The following VIPR2 variants were observed in gnomAD, a reference collection of about 807,000 sequenced individuals.
The protein encoded by VIPR2 is vasoactive intestinal peptide receptor 2, also known as vasoactive intestinal polypeptide receptor 2.
Under a neutral mutation model 58.0 loss-of-function variants are expected in VIPR2, and 48 were observed. The observed-to-expected ratio is 0.83, with a 90% CI of 0.66 to 1.05. VIPR2 has a LOEUF of 1.05. VIPR2 is among the 50% of genes least tolerant of loss of function. The pLI, the probability that VIPR2 is intolerant of heterozygous loss-of-function variation, is 0.00. For missense variants in VIPR2, 534 were observed against 558.0 expected, an observed-to-expected ratio of 0.96 and a Z score of 0.43; for synonymous variants, 243 against 235.2, an observed-to-expected ratio of 1.03 and a Z score of -0.30.
rs190386753 is a variant in VIPR2 at position 159,138,109 on chromosome 7, C to T, written c.151+4337G>A. 3.9e-3 allele frequency among the ~76,000 whole-genome samples: 600 copies of T among 152,322 alleles called. 1 individual carries two copies. The highest frequency in any genetic ancestry group is 5.6e-3 in the African/African-American group (231 of 41,568). ...GAGCTCCCACCAGAGCTCCAGCTCC[C>T]GCAGCAGAGGGCAGCATCGCAGGGC... On this transcript the variant is annotated intron_variant, in intron 2 of 12. Coordinates refer to ENST00000262178, the MANE Select transcript of VIPR2 (RefSeq NM_003382.5).
At chr7:159,126,548 A>G (rs1796655756) in intron 2 of VIPR2, among the ~76,000 whole-genome samples, 1 of 152,254 alleles carries the variant, frequency 6.6e-6, no homozygotes, top group African/African-American at 2.4e-5. Flanking sequence ...CATGCCCTGG[A>G]ATGCACGGAG....
intron 4 of VIPR2, among the ~76,000 whole-genome samples, chr7:159,061,183 GGGA>G (rs1855625943): frequency 6.6e-6 from 1 of 152,092 alleles, no homozygotes; most frequent in South Asian, 2.1e-4. Flanking sequence ...ACGGTACTCA[GGGA>G]GGAGAAATGG....
intron 5 of VIPR2, among the ~76,000 whole-genome samples, chr7:159,045,706 T>C (rs1854604025): frequency 6.6e-6 from 1 of 152,170 alleles, no homozygotes; most frequent in South Asian, 2.1e-4. Context: ...TAATAGGCTC[T>C]GTTGGATTTC....
intron 4 of VIPR2, among the ~76,000 whole-genome samples, chr7:159,073,267 A>G (rs1856492876): frequency 6.6e-6 from 1 of 152,254 alleles, no homozygotes; most frequent in South Asian, 2.1e-4. Flanking sequence ...AAAGAAGATC[A>G]GTTTAGGAGT....
intron 10 of VIPR2, among the ~76,000 whole-genome samples, 188 bp downstream of exon 10, chr7:159,034,025 G>A (rs559676592): frequency 4.4e-4 from 67 of 152,282 alleles, no homozygotes; most frequent in South Asian, 2.1e-3. Context: ...TTGTTACTTC[G>A]CCAGGGAAAT....
intron 2 of VIPR2, among the ~76,000 whole-genome samples, chr7:159,120,104 C>G (rs1729549410): frequency 6.6e-6 from 1 of 152,220 alleles, no homozygotes; most frequent in Non-Finnish European, 1.5e-5. Flanking sequence ...ACCTCCTGAG[C>G]TTTCTGCACC....
intron 10 of VIPR2, among the ~76,000 whole-genome samples, chr7:159,032,744 A>G (rs1337133246): frequency 6.6e-6 from 1 of 152,204 alleles, no homozygotes; most frequent in Non-Finnish European, 1.5e-5. Context: ...GAAAGGGAAC[A>G]GATTTTGTTT....
intron 2 of VIPR2, among the ~76,000 whole-genome samples, chr7:159,138,329 T>C (rs993104128): frequency 1.3e-5 from 2 of 152,236 alleles, no homozygotes; most frequent in African/African-American, 4.8e-5. Context: ...ATATCCCACA[T>C]GACACAACCG....
intron 6 of VIPR2, among the ~76,000 whole-genome samples, chr7:159,037,415 C>A (rs952285025): frequency 6.6e-6 from 1 of 152,244 alleles, no homozygotes; most frequent in South Asian, 2.1e-4. Flanking sequence ...GAACAGAACA[C>A]GAGTGCAGGT....
chr7:159,064,310 TG>T (rs1439058545), intron 4 of VIPR2, among the ~76,000 whole-genome samples: 1 of 151,856 alleles, frequency 6.6e-6, no homozygotes, highest in Non-Finnish European at 1.5e-5. Context: ...CTGGGCCCCG[TG>T]GGCTCGAGCG....
intron 4 of VIPR2, among the ~76,000 whole-genome samples, chr7:159,087,166 C>A (rs562310881): frequency 1.4e-5 from 2 of 143,572 alleles, no homozygotes; most frequent in African/African-American, 5.2e-5. Flanking sequence ...TCCCAACAAA[C>A]AATACCCAGG....
intron 7 of VIPR2, 95 bp downstream of exon 7, chr7:159,036,657 G>A: frequency 1.4e-6 from 2 of 1,444,676 alleles, no homozygotes; most frequent in East Asian, 5.0e-5. Flanking sequence ...GCATTCTACG[G>A]GGGCGGCAAA....
intron 4 of VIPR2, among the ~76,000 whole-genome samples, chr7:159,077,017 A>AG: frequency 6.6e-6 from 1 of 152,370 alleles, no homozygotes; most frequent in African/African-American, 2.4e-5. Context: ...GATTGACTTT[A>AG]TGGAGCTAAT....
intron 4 of VIPR2, among the ~76,000 whole-genome samples, chr7:159,077,198 T>C (rs1435816950): frequency 1.3e-5 from 2 of 152,256 alleles, no homozygotes; most frequent in African/African-American, 4.8e-5. Flanking sequence ...GGAATTGGGG[T>C]GACTGAAGAG....
chr7:159,080,274 A>C (rs1408886901), intron 4 of VIPR2, among the ~76,000 whole-genome samples: 1 of 152,228 alleles, frequency 6.6e-6, no homozygotes, highest in Admixed American at 6.5e-5. Context: ...CCACCATGAT[A>C]AAGTGGGCTT....
intron 2 of VIPR2, among the ~76,000 whole-genome samples, chr7:159,140,802 C>T (rs1019477013): frequency 1.3e-5 from 2 of 152,328 alleles, no homozygotes; most frequent in African/African-American, 4.8e-5. Flanking sequence ...TGAGGGGGAG[C>T]CCCTGTGAAT....
At chr7:159,090,512 T>C (rs866209217) in intron 4 of VIPR2, among the ~76,000 whole-genome samples, 319 of 21,652 alleles carry the variant, frequency 0.015, 47 homozygotes, top group African/African-American at 0.078. Flanking sequence ...CTGCGACCAT[T>C]GCAATCCCCG....
chr7:159,091,327 G>A (rs941141660), intron 4 of VIPR2, among the ~76,000 whole-genome samples: 13 of 152,324 alleles, frequency 8.5e-5, no homozygotes, highest in African/African-American at 2.9e-4. Context: ...CTTCTGAGCC[G>A]TGTCCCTGTA....
chr7:159,110,320 T>C (rs1795947187), intron 2 of VIPR2, among the ~76,000 whole-genome samples: 1 of 152,240 alleles, frequency 6.6e-6, no homozygotes, highest in South Asian at 2.1e-4. Flanking sequence ...CAAATAAAAG[T>C]ATTTGATAAT....
Sources: gnomAD v4.1 joint callset for allele counts (sites outside exome capture counted in the v4.1 genomes callset) on GRCh38, gnomAD v4.1.1 for gene constraint, MANE v1.5 for transcripts, NCBI Gene and HGNC (gene_info 2026-07-23, HGNC 2026-07-21) for gene names.